CDHR1: variants seen among roughly 807,000 people sequenced by gnomAD.
The protein encoded by CDHR1 is cadherin related family member 1, also known as cadherin-related family member 1.
In CDHR1, 61 loss-of-function variants were observed where a neutral mutation model predicts 72.1. That is an observed-to-expected ratio of 0.85 (90% CI 0.69 to 1.05). CDHR1 has a LOEUF of 1.05. Ranked by LOEUF, CDHR1 falls within the 50% of genes least tolerant of loss-of-function variation. CDHR1 has a pLI of 0.00. For missense variants in CDHR1, 1,186 were observed against 1,115.7 expected, an observed-to-expected ratio of 1.06 and a Z score of -0.90; for synonymous variants, 470 against 448.1, an observed-to-expected ratio of 1.05 and a Z score of -0.62.
rs549140409 is a variant in CDHR1, at chr10:84,197,652, C to T, written c.298-134C>T. 4.9e-6 allele frequency: 4 copies of T among 822,364 alleles called. No individual in the cohort carries two copies. In the African/African-American group the frequency reaches 5.0e-5, roughly 10 times the overall value. 50.9% of individuals were successfully genotyped at this position (822,364 alleles called of 1,614,324 possible). A position where few individuals can be genotyped will look rare whatever the true frequency, so the allele number is the denominator to read the frequency against. On this transcript the variant is annotated intron_variant, in intron 3 of 16. Coordinates refer to ENST00000623527, the MANE Select transcript of CDHR1 (RefSeq NM_033100.4). The stretch of plus-strand genomic sequence containing the variant: ...CAGGCATGCTGTCACCACCACTTAC[C>T]CTGCTCCAGGGATCTATTGGCACGC...
chr10:84,208,921 T>C, intron 12 of CDHR1, 40 bp downstream of exon 12: 1 of 1,599,276 alleles, frequency 6.3e-7, no homozygotes, highest in Non-Finnish European at 8.5e-7. Context: ...AATGGGAGGG[T>C]CCCAGGAATT....
At chr10:84,202,833 C>A in intron 7 of CDHR1, 147 bp from the exon 8 acceptor site, 2 of 846,258 alleles carry the variant, frequency 2.4e-6, no homozygotes, top group Non-Finnish European at 2.0e-6. Context: ...GAAGAATTAT[C>A]TCCGGGTGAC....
chr10:84,196,266 G>C (rs1256844403), intron 2 of CDHR1, among the ~76,000 whole-genome samples: 2 of 152,186 alleles, frequency 1.3e-5, no homozygotes, highest in Admixed American at 1.3e-4. Context: ...CCGTGTTATA[G>C]ATTACAATCT....
chr10:84,195,441 G>A lies in CDHR1; in HGVS notation c.56-53G>A, dbSNP rs796419017. The A allele has an allele frequency of 1.7e-5, 26 of 1,510,902 alleles. No individual in the cohort carries two copies. The African/African-American group carries it at 3.5e-4, about 20-fold the overall frequency. The allele number at this position is 1,510,902 out of a possible 1,614,324, so 93.6% of individuals were successfully genotyped here. A position where few individuals can be genotyped will look rare whatever the true frequency, so the allele number is the denominator to read the frequency against. On this transcript the variant is annotated intron_variant, in intron 1 of 16. Coordinates refer to ENST00000623527, the MANE Select transcript of CDHR1 (RefSeq NM_033100.4). ...CGCGCTGGTGCGAAGCTCCCTCCTG[G>A]TGTCTGGGTGTCCTTTGCCTGGGTG...
chr10:84,199,347 T>C (rs929562400), intron 5 of CDHR1, among the ~76,000 whole-genome samples: 1 of 152,234 alleles, frequency 6.6e-6, no homozygotes. Flanking sequence ...TAAGAGAAAC[T>C]AGAGTTTTCA....
At position 84,217,943 on chromosome 10, in the gene CDHR1, T is replaced by C. The variant is rs980448955; in HGVS notation, c.*3322T>C. 1.0e-6 allele frequency: 1 copy of C among 985,358 alleles called. No individual in the cohort carries two copies. The highest frequency in any genetic ancestry group is 1.7e-5 in the African/African-American group (1 of 57,242). 61.0% of individuals were successfully genotyped at this position (985,358 alleles called of 1,614,324 possible). A position where few individuals can be genotyped will look rare whatever the true frequency, so the allele number is the denominator to read the frequency against. On this transcript the variant is annotated 3_prime_UTR_variant, in exon 17 of 17. Transcript: ENST00000623527. ...AAGCAGCTGTCCCTCAGAATCCTGC[T>C]AGAAAAGTGTGATCAGAGCTGGGAA...
chr10:84,202,887 C>A, intron 7 of CDHR1, 93 bp from the exon 8 acceptor site: 1 of 1,427,880 alleles, frequency 7.0e-7, no homozygotes, highest in Non-Finnish European at 9.8e-7. Flanking sequence ...GGCCTCACAG[C>A]CATAGGTGGC....
chr10:84,198,293 C>T (rs1240244953), intron 4 of CDHR1, among the ~76,000 whole-genome samples: 1 of 152,244 alleles, frequency 6.6e-6, no homozygotes, highest in African/African-American at 2.4e-5. Context: ...ATGGAACAGT[C>T]AGATCTGCCC....
At position 84,218,246 on chromosome 10, in the gene CDHR1, G is replaced by A. The variant is rs1027994397; in HGVS notation, c.*3625G>A. The A allele has an allele frequency of 8.1e-6, 8 of 985,240 alleles. No homozygotes were observed. In the African/African-American group the frequency reaches 1.4e-4, roughly 17 times the overall value. The allele number at this position is 985,240 out of a possible 1,614,324, so 61.0% of individuals were successfully genotyped here. On this transcript the variant is annotated 3_prime_UTR_variant, in exon 17 of 17. Coordinates refer to ENST00000623527, the MANE Select transcript of CDHR1 (RefSeq NM_033100.4). Reference sequence around the variant, plus strand: ...CAACCTAGGGAGGGGTTCTCTGAAGGGCCTAGTTTCCAGAATGAGGCGGTC... The same window carrying A: ...CAACCTAGGGAGGGGTTCTCTGAAGAGCCTAGTTTCCAGAATGAGGCGGTC...
intron 10 of CDHR1, 91 bp downstream of exon 10, chr10:84,206,018 C>T (rs2132815097): frequency 3.2e-6 from 3 of 938,482 alleles, no homozygotes; most frequent in Non-Finnish European, 5.1e-6. Flanking sequence ...TCCTGGGGCC[C>T]ATAGTCTGGG....
At chr10:84,196,718 C>A in intron 3 of CDHR1, 68 bp downstream of exon 3, 1 of 1,574,198 alleles carries the variant, frequency 6.4e-7, no homozygotes. Flanking sequence ...GCTGAAGTTC[C>A]CCTGGAGCAC....
In CDHR1 at chr10:84,217,802, G is replaced by A; in HGVS notation, c.*3181G>A. ...GGATCCAGAGGGGAGTGGAGGACAGGGCAGATGCCACAGCATCTGTGGCCT... is the reference window on the plus strand; with the variant it reads ...GGATCCAGAGGGGAGTGGAGGACAGAGCAGATGCCACAGCATCTGTGGCCT... On this transcript the variant is annotated 3_prime_UTR_variant, in exon 17 of 17. Coordinates refer to ENST00000623527, the MANE Select transcript of CDHR1 (RefSeq NM_033100.4). 1.0e-6 allele frequency: 1 copy of A among 985,452 alleles called. No homozygotes were observed. Among genetic ancestry groups the A allele is most frequent in the Non-Finnish European group, 1.2e-6 (1 of 829,954 alleles). The allele number at this position is 985,452 out of a possible 1,614,324, so 61.0% of individuals were successfully genotyped here. A position where few individuals can be genotyped will look rare whatever the true frequency, so the allele number is the denominator to read the frequency against.
chr10:84,208,452 C>A, intron 11 of CDHR1, 75 bp downstream of exon 11: 2 of 1,467,400 alleles, frequency 1.4e-6, no homozygotes, highest in East Asian at 2.3e-5. Context: ...AGTGGGTCTG[C>A]ATCAACCTGC....
At position 84,211,152 on chromosome 10, in the gene CDHR1, T is replaced by G. The variant is rs1564664075; in HGVS notation, c.1472T>G (p.Val491Gly). 2 of 1,614,092 alleles carry G rather than the reference T, an allele frequency of 1.2e-6. No individual in the cohort carries two copies. Among genetic ancestry groups the G allele is most frequent in the Non-Finnish European group, 1.7e-6 (2 of 1,180,044 alleles). The change falls in exon 13 of 17, where the codon GTG becomes GGG. Residue 491 changes from valine to glycine, a missense_variant. Physicochemically the swap from Val to Gly is moderately radical, Grantham distance 109. Coordinates refer to ENST00000623527, the MANE Select transcript of CDHR1 (RefSeq NM_033100.4). Reference sequence around the variant, plus strand: ...GAGAACGCCCCAGGGGGCTCCAGCGTGGTGGCTGTCACAGTGGGTTGGGCA... The same window carrying G: ...GAGAACGCCCCAGGGGGCTCCAGCGGGGTGGCTGTCACAGTGGGTTGGGCA... Reference protein sequence around the residue: ...IPENAPGGSSVVAVTAVDPDT... With the variant: ...IPENAPGGSSGVAVTAVDPDT...
downstream of CDHR1, chr10:84,218,832 AT>A (rs946616462): frequency 3.2e-6 from 3 of 933,272 alleles, no homozygotes; most frequent in Admixed American, 4.3e-5. Context: ...GATATTCCAA[AT>A]GGCCCTATGT....
At position 84,215,734 on chromosome 10, in the gene CDHR1, A is replaced by G. The variant is rs975567685; in HGVS notation, c.*1113A>G. 1.1e-5 allele frequency: 11 copies of G among 985,374 alleles called. No homozygotes were observed. The African/African-American group carries it at 1.9e-4, about 17-fold the overall frequency. 61.0% of individuals were successfully genotyped at this position (985,374 alleles called of 1,614,324 possible). A position where few individuals can be genotyped will look rare whatever the true frequency, so the allele number is the denominator to read the frequency against. On this transcript the variant is annotated 3_prime_UTR_variant, in exon 17 of 17. Coordinates refer to ENST00000623527, the MANE Select transcript of CDHR1 (RefSeq NM_033100.4). ...GTTCTGTGGGTGCAGCTCTTCCAGAAAGTATTAGGAGCCTCACATCTACTC... is the reference window on the plus strand; with the variant it reads ...GTTCTGTGGGTGCAGCTCTTCCAGAGAGTATTAGGAGCCTCACATCTACTC...
In CDHR1 at chr10:84,211,063, G is replaced by A; in HGVS notation, c.1383G>A (p.Gln461=). ...GTTCCACAGCGGATGTTGTGATCCA[G>A]CTCCTGGACACCAATGACAATGTCC... ...KFSSTADVVI[Q]LLDTNDNVPK... Residue 461 remains glutamine (Q), a synonymous_variant, in exon 13 of 17, where the codon CAG becomes CAA. Transcript: ENST00000623527. 1 of 1,614,230 alleles carries A rather than the reference G, an allele frequency of 6.2e-7. No individual in the cohort carries two copies. Among genetic ancestry groups the A allele is most frequent in the Non-Finnish European group, 8.5e-7 (1 of 1,180,042 alleles).
rs2132814466 is a variant in CDHR1 at position 84,205,819 on chromosome 10, C to T, written c.863-8C>T. The T allele has an allele frequency of 1.2e-6, 2 of 1,611,030 alleles. No homozygotes were observed. The highest frequency in any genetic ancestry group is 1.7e-6 in the Non-Finnish European group (2 of 1,177,560). On this transcript the variant is annotated splice_region_variant and splice_polypyrimidine_tract_variant and intron_variant, in intron 9 of 16. Coordinates refer to ENST00000623527, the MANE Select transcript of CDHR1 (RefSeq NM_033100.4). ...GTGCAGAACTTCAGGGTGCATCTCC[C>T]TTGACAGGGAACGATGGAGCCTTTG...
At chr10:84,207,534 G>A (rs193020573) in intron 10 of CDHR1, among the ~76,000 whole-genome samples, 61 of 152,270 alleles carry the variant, frequency 4.0e-4, no homozygotes, top group African/African-American at 1.5e-3. Flanking sequence ...CAAGGGAAAG[G>A]TGGTCTTGAA....
Sources: gnomAD v4.1 joint callset for allele counts (sites outside exome capture counted in the v4.1 genomes callset) on GRCh38, gnomAD v4.1.1 for gene constraint, MANE v1.5 for transcripts, NCBI Gene and HGNC (gene_info 2026-07-23, HGNC 2026-07-21) for gene names.